LNPEP: variants seen among roughly 807,000 people sequenced by gnomAD.
LNPEP encodes leucyl and cystinyl aminopeptidase.
LNPEP carries 64 observed loss-of-function variants against 120.6 expected under a neutral mutation model. The observed-to-expected ratio is 0.53, with a 90% CI of 0.43 to 0.65. LNPEP has a LOEUF of 0.65. Among genes scored for constraint, LNPEP ranks in the 30% least tolerant of loss-of-function variants. LNPEP has a pLI of 0.00. For synonymous variants in LNPEP, 435 were observed against 425.4 expected (o/e 1.02, Z -0.28); for missense variants, 1,057 against 1,200.0 (o/e 0.88, Z 1.76).
intron 2 of LNPEP, among the ~76,000 whole-genome samples, chr5:96,981,314 G>T (rs1790118484): frequency 6.6e-6 from 1 of 152,074 alleles, no homozygotes; most frequent in African/African-American, 2.4e-5. Flanking sequence ...CTGGAATCAA[G>T]ATATACTATC....
intron 4 of LNPEP, among the ~76,000 whole-genome samples, chr5:96,989,895 T>C (rs978848492): frequency 2.6e-5 from 4 of 152,188 alleles, no homozygotes; most frequent in Non-Finnish European, 5.9e-5. Flanking sequence ...TGGGAATAAG[T>C]GGACCCTTTG....
rs1416532657 is a variant in LNPEP, at chr5:96,979,973, G to A, written c.855G>A (p.Glu285=). The change falls in exon 2 of 18, where the codon GAG becomes GAA. Residue 285 remains glutamate, a synonymous_variant. Transcript: ENST00000231368. ...TCTCCTACACAGATGAAAGTAATGA[G>A]AAAAAGTAGGTAGCCCTCTTAAATG... ...YGFSYTDESN[E]KKYFAATQFE... 2 of 1,577,552 alleles carry A rather than the reference G, an allele frequency of 1.3e-6. No individual in the cohort carries two copies. Among genetic ancestry groups the A allele is most frequent in the African/African-American group, 2.7e-5 (2 of 73,342 alleles).
At chr5:96,943,316 G>A (rs1405128638) in intron 1 of LNPEP, 1 of 157,550 alleles carries the variant, frequency 6.3e-6, no homozygotes, top group Admixed American at 6.5e-5. Context: ...GGGAGGGACG[G>A]GAACAGGGTC....
rs1791426473 is a variant in LNPEP at position 97,029,354 on chromosome 5, G to C, written c.*821G>C. On this transcript the variant is annotated 3_prime_UTR_variant, in exon 18 of 18. Transcript: ENST00000231368. ...GATCTGTACACCTTTATCACTCCCT[G>C]CCGTAGATATACTTTAGGTTAGTAT... 1 of 152,162 alleles carries C rather than the reference G, an allele frequency of 6.6e-6. No individual in the cohort carries two copies. Among genetic ancestry groups the C allele is most frequent in the African/African-American group, 2.4e-5 (1 of 41,374 alleles). The allele number at this position is 152,162 out of a possible 1,614,324, so 9.4% of individuals were successfully genotyped here.
intron 1 of LNPEP, among the ~76,000 whole-genome samples, chr5:96,941,837 G>T (rs1247093339): frequency 3.3e-5 from 5 of 152,216 alleles, no homozygotes; most frequent in African/African-American, 1.2e-4. Flanking sequence ...GAGAATCAAT[G>T]ATGAAGATGA....
chr5:97,003,879 CT>C (rs1172007186), intron 9 of LNPEP, among the ~76,000 whole-genome samples: 2 of 151,464 alleles, frequency 1.3e-5, no homozygotes, highest in African/African-American at 4.9e-5. Flanking sequence ...CATTATTTGA[CT>C]TTTTTTCCAG....
At chr5:97,020,745 T>A (rs746651817) in intron 13 of LNPEP, among the ~76,000 whole-genome samples, 1 of 152,106 alleles carries the variant, frequency 6.6e-6, no homozygotes, top group African/African-American at 2.4e-5. Context: ...GAGCTTGCAG[T>A]GAGCTGAGAT....
chr5:97,000,832 A>G (rs1227258997), intron 8 of LNPEP, among the ~76,000 whole-genome samples: 1 of 152,196 alleles, frequency 6.6e-6, no homozygotes, highest in Non-Finnish European at 1.5e-5. Flanking sequence ...CTAGTGCATC[A>G]TCAAACCTGG....
At chr5:96,968,618 G>A (rs1789784957) in intron 1 of LNPEP, among the ~76,000 whole-genome samples, 1 of 152,036 alleles carries the variant, frequency 6.6e-6, no homozygotes, top group African/African-American at 2.4e-5. Context: ...AAATTGGTCA[G>A]AGTAAGACAT....
At chr5:96,976,923 A>G (rs1448145579) in intron 1 of LNPEP, among the ~76,000 whole-genome samples, 1 of 17,798 alleles carries the variant, frequency 5.6e-5, no homozygotes, top group Non-Finnish European at 1.1e-4. Flanking sequence ...AAAACAGAAC[A>G]TACTTTTTTT....
rs746641341 is a variant in LNPEP at position 96,985,191 on chromosome 5, A to G, written c.972A>G (p.Gln324=). 1.9e-6 allele frequency: 3 copies of G among 1,613,846 alleles called. No homozygotes were observed. The highest frequency in any genetic ancestry group is 2.5e-6 in the Non-Finnish European group (3 of 1,179,794). ...TFIIKIIRDE[Q]YTALSNMPKK... ...TCATCAAGATCATAAGGGATGAGCA[A>G]TACACCGCTTTATCAAATATGCCTA... The change falls in exon 3 of 18, where the codon CAA becomes CAG. Residue 324 remains glutamine (Q), a synonymous_variant. Coordinates refer to ENST00000231368, the MANE Select transcript of LNPEP (RefSeq NM_005575.3).
chr5:97,014,464 G>A (rs1031930881), intron 12 of LNPEP, among the ~76,000 whole-genome samples: 5 of 151,786 alleles, frequency 3.3e-5, no homozygotes, highest in African/African-American at 1.2e-4. Context: ...CCTATAAAAT[G>A]GTTAATTTTA....
intron 11 of LNPEP, among the ~76,000 whole-genome samples, chr5:97,009,718 C>A (rs748848495): frequency 1.3e-5 from 2 of 152,080 alleles, no homozygotes; most frequent in African/African-American, 2.4e-5. Flanking sequence ...CCTGCCATTT[C>A]GGGTTTAGAG....
chr5:96,936,185 TGCCGAGGC>T lies in LNPEP; in HGVS notation c.19+16_19+23del. The T allele has an allele frequency of 6.9e-7, 1 of 1,444,938 alleles. No individual in the cohort carries two copies. Among genetic ancestry groups the T allele is most frequent in the East Asian group, 2.9e-5 (1 of 34,720 alleles). The allele number at this position is 1,444,938 out of a possible 1,614,324, so 89.5% of individuals were successfully genotyped here. A position where few individuals can be genotyped will look rare whatever the true frequency, so the allele number is the denominator to read the frequency against. On this transcript the variant is annotated intron_variant, in intron 1 of 17. Transcript: ENST00000231368. ...AGCCCTTCACCAATGGTGAGTGGGCTGCCGAGGCGCCGGGACCCGGGCTCTCCGGAGCC... is the reference window on the plus strand; with the variant it reads ...AGCCCTTCACCAATGGTGAGTGGGCTGCCGGGACCCGGGCTCTCCGGAGCC...
chr5:97,024,020 T>C (rs1791277454), intron 14 of LNPEP, among the ~76,000 whole-genome samples: 2 of 152,146 alleles, frequency 1.3e-5, no homozygotes, highest in African/African-American at 4.8e-5. Context: ...CCGTGCATTA[T>C]GGAGAGAAGA....
At chr5:96,989,291 T>TTTATATATAATATATTGTATA (rs1790316978) in intron 4 of LNPEP, among the ~76,000 whole-genome samples, 1 of 106,504 alleles carries the variant, frequency 9.4e-6, no homozygotes, top group East Asian at 2.4e-4. Context: ...TAATATATAA[T>TTTATATATAATATATTGTATA]TTATATATAA....
chr5:96,941,674 A>G (rs911750459), intron 1 of LNPEP, among the ~76,000 whole-genome samples: 1 of 152,158 alleles, frequency 6.6e-6, no homozygotes, highest in Admixed American at 6.5e-5. Flanking sequence ...GTTTCTGGAC[A>G]GTAAATGGAA....
intron 2 of LNPEP, among the ~76,000 whole-genome samples, chr5:96,983,713 C>T (rs1345502335): frequency 6.6e-6 from 1 of 152,166 alleles, no homozygotes; most frequent in Non-Finnish European, 1.5e-5. Flanking sequence ...TCCCAAAGTG[C>T]TGGGATTTCA....
In LNPEP at chr5:96,993,918, A is replaced by G. The variant is rs181396029; in HGVS notation, c.1354A>G (p.Met452Val). The G allele has an allele frequency of 3.5e-5, 57 of 1,613,896 alleles. No individual in the cohort carries two copies. The Admixed American group carries it at 8.2e-4, about 23-fold the overall frequency. ...TLLYDSNTSS[M>V]ADRKLVTKII... ...TCTGTATGACAGTAACACTTCTTCAATGGCGGATAGAAAGCTGGTGACTAA... is the reference window on the plus strand; with the variant it reads ...TCTGTATGACAGTAACACTTCTTCAGTGGCGGATAGAAAGCTGGTGACTAA... The change falls in exon 6 of 18, where the codon ATG (methionine) becomes GTG (valine). Residue 452 changes from methionine (M) to valine (V), a missense_variant. Physicochemically the swap from Met to Val is conservative, Grantham distance 21 (BLOSUM62 1). Transcript: ENST00000231368.
Sources: gnomAD v4.1 joint callset for allele counts (sites outside exome capture counted in the v4.1 genomes callset) on GRCh38, gnomAD v4.1.1 for gene constraint, MANE v1.5 for transcripts, NCBI Gene and HGNC (gene_info 2026-07-23, HGNC 2026-07-21) for gene names.